The following NALCN variants were observed in gnomAD, a reference collection of about 807,000 sequenced individuals.
NALCN encodes sodium leak channel, non-selective.
A neutral mutation model predicts 225.3 loss-of-function variants in NALCN; 111 were observed. That is an observed-to-expected ratio of 0.49 (90% CI 0.42 to 0.58). The LOEUF is 0.58. Ranked by LOEUF, NALCN falls within the 20% of genes least tolerant of loss-of-function variation. The pLI, the probability that NALCN is intolerant of heterozygous loss-of-function variation, is 0.00. For synonymous variants in NALCN, 764 were observed against 769.0 expected (o/e 0.99, Z 0.11); for missense variants, 1,378 against 2,202.4 (o/e 0.63, Z 7.49).
intron 9 of NALCN, among the ~76,000 whole-genome samples, chr13:101,289,285 A>C (rs1026314180): frequency 1.3e-5 from 2 of 152,080 alleles, no homozygotes; most frequent in African/African-American, 4.8e-5. Context: ...TTCCAGTTAC[A>C]TGTTATATTA....
chr13:101,075,300 CA>C (rs1332823754), intron 35 of NALCN, among the ~76,000 whole-genome samples: 1 of 151,612 alleles, frequency 6.6e-6, no homozygotes, highest in Non-Finnish European at 1.5e-5. Context: ...ACTAAAAATA[CA>C]AAAATTAGCT....
intron 6 of NALCN, among the ~76,000 whole-genome samples, chr13:101,370,620 T>A (rs73568515): frequency 3.3e-4 from 50 of 152,264 alleles, no homozygotes; most frequent in African/African-American, 1.2e-3. Context: ...CAGACCCACG[T>A]ATAGACAGGG....
In NALCN at chr13:101,205,196, A is replaced by T. The variant is rs558181026; in HGVS notation, c.1627-13142T>A. On this transcript the variant is annotated intron_variant, in intron 13 of 43. Transcript: ENST00000251127. ...ATTCTCAGCAATATCTAAAAATTTT[A>T]ATCCTCTTTTTTCCAGCACACCTAT... 2.0e-5 allele frequency among the ~76,000 whole-genome samples: 3 copies of T among 152,238 alleles called. No homozygotes were observed. The South Asian group carries it at 6.2e-4, about 32-fold the overall frequency.
chr13:101,258,715 C>A lies in NALCN; in HGVS notation c.1135-141G>T, dbSNP rs1296905111. 5.2e-6 allele frequency: 6 copies of A among 1,164,994 alleles called. No individual in the cohort carries two copies. The East Asian group carries it at 1.5e-4, about 29-fold the overall frequency. The allele number at this position is 1,164,994 out of a possible 1,614,324, so 72.2% of individuals were successfully genotyped here. On this transcript the variant is annotated intron_variant, in intron 10 of 43. Transcript: ENST00000251127. Reference sequence around the variant, plus strand: ...CTTCCAAGATAAAGCCATCCATGTCCCACACTGCTGAACTGGGCAGGCAAG... The same window carrying A: ...CTTCCAAGATAAAGCCATCCATGTCACACACTGCTGAACTGGGCAGGCAAG...
At chr13:101,311,837 T>C (rs1302296694) in intron 7 of NALCN, among the ~76,000 whole-genome samples, 2 of 152,122 alleles carry the variant, frequency 1.3e-5, no homozygotes, top group Non-Finnish European at 2.9e-5. Flanking sequence ...TGGTTGTGTC[T>C]CTGCCCGGCT....
chr13:101,315,000 C>CTTTTCGAATGGGAAGAAAATCT, intron 7 of NALCN, among the ~76,000 whole-genome samples: 1 of 152,160 alleles, frequency 6.6e-6, no homozygotes, highest in African/African-American at 2.4e-5. Context: ...TAAGGAAGGG[C>CTTTTCGAATGGGAAGAAAATCT]TTACAAAGGA....
intron 7 of NALCN, among the ~76,000 whole-genome samples, chr13:101,314,497 T>C (rs1396964298): frequency 4.6e-5 from 7 of 152,146 alleles, no homozygotes; most frequent in African/African-American, 1.7e-4. Flanking sequence ...AGATGGTTCC[T>C]ATATTTTACA....
intron 2 of NALCN, among the ~76,000 whole-genome samples, chr13:101,397,099 TATATATATATAC>T (rs1242808432): frequency 0.013 from 856 of 65,258 alleles, 16 homozygotes; most frequent in African/African-American, 0.025. Context: ...TATATATATA[TATATATATATAC>T]ATACACATAC....
intron 14 of NALCN, among the ~76,000 whole-genome samples, chr13:101,190,318 T>C (rs1288601405): frequency 6.6e-6 from 1 of 152,222 alleles, no homozygotes; most frequent in Non-Finnish European, 1.5e-5. Flanking sequence ...GTCTGAGCAA[T>C]TCCATAGTTT....
At chr13:101,090,061 T>C in intron 28 of NALCN, 95 bp from the exon 29 acceptor site, 1 of 1,191,954 alleles carries the variant, frequency 8.4e-7, no homozygotes, top group East Asian at 2.9e-5. Context: ...GTGTGGGATA[T>C]GTGTGTGTGT....
chr13:101,302,689 T>C (rs888523855), intron 7 of NALCN, among the ~76,000 whole-genome samples: 2 of 152,154 alleles, frequency 1.3e-5, no homozygotes, highest in African/African-American at 2.4e-5. Flanking sequence ...ACTTAATGGT[T>C]AAAACTGAAT....
intron 1 of NALCN, among the ~76,000 whole-genome samples, chr13:101,409,313 T>C (rs547510129): frequency 2.0e-5 from 3 of 152,320 alleles, no homozygotes; most frequent in Admixed American, 2.0e-4. Context: ...TAGGAGCATT[T>C]AACACGAGAA....
rs77474394 is a variant in NALCN at position 101,204,532 on chromosome 13, A to G, written c.1627-12478T>C. Among the ~76,000 whole-genome samples the G allele has an allele frequency of 6.6e-3, 1,007 of 152,270 alleles. 5 individuals carry two copies. Among genetic ancestry groups the G allele is most frequent in the Non-Finnish European group, 9.7e-3 (659 of 67,994 alleles). On this transcript the variant is annotated intron_variant, in intron 13 of 43. Coordinates refer to ENST00000251127, the MANE Select transcript of NALCN (RefSeq NM_052867.4). ...GCCTTAAATGTCAAAATGAGCTTGAACATAATTAGAAGCAAAGCAGACATC... is the reference window on the plus strand; with the variant it reads ...GCCTTAAATGTCAAAATGAGCTTGAGCATAATTAGAAGCAAAGCAGACATC...
intron 28 of NALCN, among the ~76,000 whole-genome samples, chr13:101,092,468 C>A (rs918245235): frequency 6.6e-6 from 1 of 152,192 alleles, no homozygotes; most frequent in Non-Finnish European, 1.5e-5. Flanking sequence ...CATAGAGTTG[C>A]CTTAACTTGT....
chr13:101,095,611 C>T lies in NALCN; in HGVS notation c.3232G>A (p.Gly1078Arg). 6.2e-7 allele frequency: 1 copy of T among 1,613,098 alleles called. No individual in the cohort carries two copies. The highest frequency in any genetic ancestry group is 8.5e-7 in the Non-Finnish European group (1 of 1,179,620). ...SKNLNLKLRP[G>R]EKKPGFWVPR... The stretch of plus-strand genomic sequence containing the variant: ...ACCCAAAATCCAGGTTTTTTCTCTC[C>T]AGGCCTCAATTTTAAATTTAAGTTC... Residue 1078 changes from glycine to arginine, a missense_variant, in exon 28 of 44, where the codon GGA (glycine) becomes AGA (arginine). Around this residue, in one of 19 missense-constraint regions of NALCN, gnomAD observed 292 missense variants for 409.5 expected, o/e 0.71. Coordinates refer to ENST00000251127, the MANE Select transcript of NALCN (RefSeq NM_052867.4).
chr13:101,392,126 G>A (rs1003636680), intron 3 of NALCN, among the ~76,000 whole-genome samples: 1 of 152,048 alleles, frequency 6.6e-6, no homozygotes, highest in Non-Finnish European at 1.5e-5. Flanking sequence ...GATTTCACCG[G>A]GAACTGATAC....
intron 15 of NALCN, among the ~76,000 whole-genome samples, chr13:101,155,321 C>T (rs892421493): frequency 3.3e-5 from 5 of 152,204 alleles, no homozygotes; most frequent in African/African-American, 1.2e-4. Context: ...GGAGCTCATC[C>T]TGGAAACCAC....
chr13:101,293,411 C>T (rs933244847), intron 7 of NALCN, among the ~76,000 whole-genome samples: 3 of 152,084 alleles, frequency 2.0e-5, no homozygotes, highest in African/African-American at 7.2e-5. Context: ...TGAGAAAACA[C>T]ACACACATAT....
intron 13 of NALCN, among the ~76,000 whole-genome samples, chr13:101,218,726 C>T (rs1289561215): frequency 6.6e-6 from 1 of 152,040 alleles, no homozygotes; most frequent in Non-Finnish European, 1.5e-5. Context: ...TCTTTCTTTT[C>T]CTCCTGCTCC....
Sources: allele counts gnomAD v4.1 joint callset (sites outside exome capture counted in the v4.1 genomes callset), GRCh38; gene constraint gnomAD v4.1.1; regional missense constraint gnomAD v4.1.1; transcripts MANE v1.5; gene names NCBI Gene and HGNC (gene_info 2026-07-23, HGNC 2026-07-21).